The following ZNF713 variants were observed in gnomAD, a reference collection of about 807,000 sequenced individuals.
ZNF713 encodes zinc finger protein 713.
Under a neutral mutation model 28.7 loss-of-function variants are expected in ZNF713, and 21 were observed. That is an observed-to-expected ratio of 0.73 (90% confidence interval 0.52 to 1.05). ZNF713 has a LOEUF of 1.05. Among genes scored for constraint, ZNF713 ranks in the 50% least tolerant of loss-of-function variants. The pLI is 0.00. For missense variants in ZNF713, 458 were observed against 532.4 expected, an observed-to-expected ratio of 0.86 and a Z score of 1.37; for synonymous variants, 167 against 178.0, an observed-to-expected ratio of 0.94 and a Z score of 0.49.
At chr7:55,932,890 CA>C (rs61092452) in intron 6 of ZNF713, among the ~76,000 whole-genome samples, 3,203 of 47,744 alleles carry the variant, frequency 0.067, 138 homozygotes, top group African/African-American at 0.26. Flanking sequence ...GACTCCGTCT[CA>C]AAAAAAAAAA....
chr7:55,910,175 T>A (rs1170012037), intron 2 of ZNF713, among the ~76,000 whole-genome samples: 7 of 152,010 alleles, frequency 4.6e-5, no homozygotes, highest in African/African-American at 1.7e-4. Context: ...ATCTTGAAAC[T>A]TTTACTGAAG....
intron 4 of ZNF713, among the ~76,000 whole-genome samples, chr7:55,919,828 C>T (rs192092257): frequency 2.2e-3 from 342 of 152,082 alleles, no homozygotes; most frequent in Middle Eastern, 0.01. Context: ...CCCAGAAGAT[C>T]CTTCTGTGTG....
intron 6 of ZNF713, among the ~76,000 whole-genome samples, chr7:55,930,981 A>G (rs1166676844): frequency 6.6e-6 from 1 of 152,160 alleles, no homozygotes; most frequent in African/African-American, 2.4e-5. Context: ...CATAAGATCT[A>G]TATAATCTAT....
intron 1 of ZNF713, among the ~76,000 whole-genome samples, chr7:55,903,241 A>G (rs1330976036): frequency 6.6e-6 from 1 of 152,166 alleles, no homozygotes; most frequent in East Asian, 1.9e-4. Context: ...TGTGCCAGGC[A>G]CTGGACATTG....
At chr7:55,911,001 G>A (rs1222389131) in intron 2 of ZNF713, among the ~76,000 whole-genome samples, 1 of 152,224 alleles carries the variant, frequency 6.6e-6, no homozygotes, top group Non-Finnish European at 1.5e-5. Flanking sequence ...TATGCTTAGG[G>A]AATGAAGAAC....
intron 1 of ZNF713, among the ~76,000 whole-genome samples, chr7:55,900,710 G>A (rs1346772503): frequency 2.6e-5 from 4 of 152,202 alleles, no homozygotes; most frequent in Non-Finnish European, 5.9e-5. Flanking sequence ...GGGGGCTAAA[G>A]AGATGTTGAC....
chr7:55,932,366 C>CA (rs35990100), intron 6 of ZNF713, among the ~76,000 whole-genome samples: 28,981 of 139,582 alleles, frequency 0.21, 2,916 homozygotes, highest in East Asian at 0.24. Flanking sequence ...TCGTCTCTAC[C>CA]AAAAAAAAAA....
At chr7:55,901,985 A>T (rs985383146) in intron 1 of ZNF713, among the ~76,000 whole-genome samples, 2 of 152,214 alleles carry the variant, frequency 1.3e-5, no homozygotes, top group Non-Finnish European at 2.9e-5. Context: ...TGAGGTAAGG[A>T]GTTCGAGACC....
chr7:55,927,918 A>AAAAAAAAAAAAC, intron 6 of ZNF713, among the ~76,000 whole-genome samples: 1 of 149,668 alleles, frequency 6.7e-6, no homozygotes, highest in Non-Finnish European at 1.5e-5. Flanking sequence ...AAAAAAAAAA[A>AAAAAAAAAAAAC]AAGCCACAAG....
intron 2 of ZNF713, among the ~76,000 whole-genome samples, chr7:55,911,385 A>G (rs1785780195): frequency 6.6e-6 from 1 of 152,256 alleles, no homozygotes; most frequent in African/African-American, 2.4e-5. Context: ...TGGAAAAGGT[A>G]AGAAAAGGAC....
intron 1 of ZNF713, among the ~76,000 whole-genome samples, chr7:55,897,906 G>A (rs749173181): frequency 5.9e-5 from 9 of 152,122 alleles, no homozygotes; most frequent in African/African-American, 9.7e-5. Context: ...TGATAGAAGC[G>A]TCTTTTGCTA....
intron 1 of ZNF713, among the ~76,000 whole-genome samples, chr7:55,900,473 A>G (rs1459673240): frequency 3.9e-5 from 6 of 152,144 alleles, no homozygotes; most frequent in Admixed American, 3.9e-4. Flanking sequence ...ATTTCAAAAA[A>G]AAAAAATGTG....
chr7:55,930,065 G>A (rs1392171354), intron 6 of ZNF713, among the ~76,000 whole-genome samples: 1 of 151,650 alleles, frequency 6.6e-6, no homozygotes, highest in Non-Finnish European at 1.5e-5. Context: ...AATATGAACA[G>A]TTCTTTTTTT....
At chr7:55,896,845 AT>A (rs1169179070) in intron 1 of ZNF713, among the ~76,000 whole-genome samples, 1 of 152,104 alleles carries the variant, frequency 6.6e-6, no homozygotes, top group African/African-American at 2.4e-5. Flanking sequence ...GGCAGGAAAA[AT>A]GCTAGAGCCT....
rs572459483 is a variant in ZNF713, at chr7:55,941,529, A to G, written c.*1523A>G. 3 of 152,204 alleles carry G rather than the reference A, an allele frequency of 2.0e-5. No homozygotes were observed. Among genetic ancestry groups the G allele is most frequent in the Admixed American group, 6.5e-5 (1 of 15,274 alleles). 9.4% of individuals were successfully genotyped at this position (152,204 alleles called of 1,614,324 possible). A position where few individuals can be genotyped will look rare whatever the true frequency, so the allele number is the denominator to read the frequency against. ...CCAGTCACATTAACTTGAAATAAAC[A>G]TAAAAGAGGAATATTTCACGAACGT... On this transcript the variant is annotated 3_prime_UTR_variant, in exon 7 of 7. Coordinates refer to ENST00000429591, the MANE Select transcript of ZNF713 (RefSeq NM_182633.3).
intron 6 of ZNF713, among the ~76,000 whole-genome samples, chr7:55,927,598 A>G (rs1426742634): frequency 6.6e-6 from 1 of 152,008 alleles, no homozygotes; most frequent in African/African-American, 2.4e-5. Context: ...ACCAGTAGAG[A>G]GGACAAGTAA....
chr7:55,896,569 AT>A (rs1489979022), intron 1 of ZNF713, among the ~76,000 whole-genome samples: 1 of 148,682 alleles, frequency 6.7e-6, no homozygotes, highest in Non-Finnish European at 1.5e-5. Context: ...GTATGAACTC[AT>A]GATATTTAAT....
At chr7:55,899,442 G>C (rs112712309) in intron 1 of ZNF713, among the ~76,000 whole-genome samples, 1 of 144,966 alleles carries the variant, frequency 6.9e-6, no homozygotes, top group African/African-American at 2.5e-5. Flanking sequence ...AGGGGGGGGG[G>C]GGGGTTGATC....
At chr7:55,892,663 G>A (rs990474893) in intron 1 of ZNF713, among the ~76,000 whole-genome samples, 2 of 151,098 alleles carry the variant, frequency 1.3e-5, no homozygotes, top group South Asian at 2.1e-4. Context: ...ACATGAGGTC[G>A]GGAGTTTGAG....
Sources: gnomAD v4.1 joint callset for allele counts (sites outside exome capture counted in the v4.1 genomes callset) on GRCh38, gnomAD v4.1.1 for gene constraint, MANE v1.5 for transcripts, NCBI Gene and HGNC (gene_info 2026-07-23, HGNC 2026-07-21) for gene names.